Variants in NRXN1 observed in about 807,000 individuals in gnomAD.
The protein encoded by NRXN1 is neurexin 1.
NRXN1 carries 39 observed loss-of-function variants against 150.9 expected under a neutral mutation model. That is an observed-to-expected ratio of 0.26 (90% CI 0.20 to 0.34). The LOEUF (loss-of-function observed/expected upper bound fraction) is 0.34, where lower values mean the gene tolerates loss of function less well. Among genes scored for constraint, NRXN1 ranks in the 10% least tolerant of loss-of-function variants. The pLI is 1.00. For synonymous variants in NRXN1, 924 were observed against 757.0 expected, an observed-to-expected ratio of 1.22 and a Z score of -3.62; for missense variants, 1,815 against 1,949.9, an observed-to-expected ratio of 0.93 and a Z score of 1.30.
chr2:50,398,662 A>C lies in NRXN1; in HGVS notation c.3364+66780T>G, dbSNP rs540008212. The stretch of plus-strand genomic sequence containing the variant: ...GTAGAGAAGTCCAAAAACTGTTTCC[A>C]TTTGCAGGCATGTGGTCATTAGACT... On this transcript the variant is annotated intron_variant, in intron 17 of 22. Coordinates refer to ENST00000401669, the MANE Select transcript of NRXN1 (RefSeq NM_001330078.2). Among the ~76,000 whole-genome samples the C allele has an allele frequency of 3.3e-5, 5 of 152,160 alleles. No homozygotes were observed. In the South Asian group the frequency reaches 1.0e-3, roughly 32 times the overall value.
At position 51,028,342 on chromosome 2, in the gene NRXN1, C is replaced by T. The variant is rs200858755; in HGVS notation, c.-69G>A. ...GTCAAAATGGTCCTGGACACCGTGA[C>T]GAAGAAATAAGGGTCCCGAGAGACA... On this transcript the variant is annotated 5_prime_UTR_variant, in exon 2 of 23. Transcript: ENST00000401669. The T allele has an allele frequency of 5.5e-6, 6 of 1,095,934 alleles. No homozygotes were observed. Among genetic ancestry groups the T allele is most frequent in the Non-Finnish European group, 6.1e-6 (5 of 813,752 alleles). 67.9% of individuals were successfully genotyped at this position (1,095,934 alleles called of 1,614,324 possible).
intron 17 of NRXN1, among the ~76,000 whole-genome samples, chr2:50,330,933 T>A (rs917550534): frequency 6.6e-6 from 1 of 152,140 alleles, no homozygotes; most frequent in Non-Finnish European, 1.5e-5. Flanking sequence ...ATATTAGGGG[T>A]GGGAAGTAGT....
intron 2 of NRXN1, among the ~76,000 whole-genome samples, chr2:50,946,731 A>T (rs1690452214): frequency 6.6e-6 from 1 of 152,204 alleles, no homozygotes; most frequent in Non-Finnish European, 1.5e-5. Flanking sequence ...CTTTAAAAAA[A>T]CGCAAGACTT....
Position 50,949,779 on chromosome 2 carries a change from T to G in NRXN1, c.773-23824A>C, listed in dbSNP as rs111706913. 1.9e-3 allele frequency among the ~76,000 whole-genome samples: 289 copies of G among 152,264 alleles called. 4 individuals are homozygous for G. Among genetic ancestry groups the G allele is most frequent in the African/African-American group, 6.8e-3 (281 of 41,572 alleles). ...AGCTTTTACCGGCACAGCCAGAACT[T>G]GCTATAAACTAATATTTGCTACCTT... On this transcript the variant is annotated intron_variant, in intron 2 of 22. Transcript: ENST00000401669.
intron 5 of NRXN1, among the ~76,000 whole-genome samples, chr2:50,702,136 A>T (rs1469536113): frequency 6.6e-6 from 1 of 152,156 alleles, no homozygotes; most frequent in Non-Finnish European, 1.5e-5. Flanking sequence ...TCAGGTAAGT[A>T]GGATTATTAG....
At chr2:50,071,938 G>A (rs919955114) in intron 19 of NRXN1, among the ~76,000 whole-genome samples, 3 of 152,108 alleles carry the variant, frequency 2.0e-5, no homozygotes, top group Non-Finnish European at 4.4e-5. Flanking sequence ...GCTGCAAATT[G>A]TAATATTCTA....
intron 18 of NRXN1, among the ~76,000 whole-genome samples, chr2:50,176,739 T>C (rs1349984399): frequency 6.6e-6 from 1 of 152,112 alleles, no homozygotes; most frequent in East Asian, 1.9e-4. Context: ...AAAACATCAC[T>C]TGTCCAATAT....
chr2:51,017,875 T>C (rs1326756230), intron 2 of NRXN1, among the ~76,000 whole-genome samples: 1 of 152,110 alleles, frequency 6.6e-6, no homozygotes, highest in South Asian at 2.1e-4. Context: ...AGCTGTATAG[T>C]GGTTTCTTCC....
intron 2 of NRXN1, among the ~76,000 whole-genome samples, chr2:50,996,110 G>A (rs1432550939): frequency 6.6e-6 from 1 of 152,024 alleles, no homozygotes; most frequent in Admixed American, 6.6e-5. Flanking sequence ...AAAATACTGA[G>A]CTCCCATGAC....
intron 2 of NRXN1, among the ~76,000 whole-genome samples, chr2:50,987,536 G>A (rs989485720): frequency 1.3e-5 from 2 of 151,890 alleles, no homozygotes; most frequent in Middle Eastern, 3.2e-3. Flanking sequence ...TATTACATCT[G>A]TGTGTGTCTA....
intron 21 of NRXN1, chr2:49,974,204 C>A (rs1186350647): frequency 2.9e-6 from 2 of 700,288 alleles, no homozygotes; most frequent in Non-Finnish European, 5.3e-6. Flanking sequence ...ACACAGAAAA[C>A]GCTCTGTCAG....
In NRXN1 at chr2:50,347,359, C is replaced by T; in HGVS notation, c.3365-110389G>A. On this transcript the variant is annotated intron_variant, in intron 17 of 22. Transcript: ENST00000401669. This position sits in a 1 kb window ranked among gnomAD's most constrained non-coding sequence, Gnocchi z 4.9. ...AGCTCCTCCTGGAAGGTCCTCACTT[C>T]TACATGACAGACATCCACCGCGAAT... 8.3e-7 allele frequency: 1 copy of T among 1,210,808 alleles called. No individual in the cohort carries two copies. The highest frequency in any genetic ancestry group is 1.1e-6 in the Non-Finnish European group (1 of 951,792). The allele number at this position is 1,210,808 out of a possible 1,614,324, so 75.0% of individuals were successfully genotyped here.
chr2:49,932,375 T>TGC (rs1222861392), intron 22 of NRXN1, among the ~76,000 whole-genome samples: 2 of 152,276 alleles, frequency 1.3e-5, no homozygotes, highest in Non-Finnish European at 2.9e-5. Context: ...GAGCCATAAC[T>TGC]GCAGCACTAC....
At chr2:50,850,036 C>T (rs1446004875) in intron 5 of NRXN1, among the ~76,000 whole-genome samples, 3 of 151,830 alleles carry the variant, frequency 2.0e-5, no homozygotes, top group Non-Finnish European at 4.4e-5. Context: ...TGAGACCTCA[C>T]TTCTACAAAA....
chr2:51,015,581 G>A (rs1668537162), intron 2 of NRXN1, among the ~76,000 whole-genome samples: 1 of 151,832 alleles, frequency 6.6e-6, no homozygotes, highest in Non-Finnish European at 1.5e-5. Flanking sequence ...AACTCCTGAA[G>A]CTCTACCTAT....
chr2:50,381,533 AC>A (rs1337173727), intron 17 of NRXN1, among the ~76,000 whole-genome samples: 2 of 134,808 alleles, frequency 1.5e-5, no homozygotes, highest in Non-Finnish European at 3.1e-5. Flanking sequence ...ACACACACAC[AC>A]ACACACACAC....
chr2:49,948,854 G>A (rs1029318669), intron 21 of NRXN1, among the ~76,000 whole-genome samples: 2 of 151,856 alleles, frequency 1.3e-5, no homozygotes, highest in African/African-American at 4.8e-5. Context: ...GCGTGATCAA[G>A]CAGAAGCATT....
chr2:50,431,516 C>G (rs764498447), intron 17 of NRXN1, among the ~76,000 whole-genome samples: 1 of 152,108 alleles, frequency 6.6e-6, no homozygotes, highest in Non-Finnish European at 1.5e-5. Context: ...GGCACAAAGG[C>G]TAAGAACAGA....
At chr2:50,892,379 A>G (rs1476920020) in intron 5 of NRXN1, among the ~76,000 whole-genome samples, 2 of 152,146 alleles carry the variant, frequency 1.3e-5, no homozygotes, top group Non-Finnish European at 2.9e-5. Context: ...AGAGATCAAT[A>G]TCTCCTAAGG....
Sources: allele counts gnomAD v4.1 joint callset (sites outside exome capture counted in the v4.1 genomes callset), GRCh38; gene constraint gnomAD v4.1.1; non-coding constraint Gnocchi (gnomAD v3.1); transcripts MANE v1.5; gene names NCBI Gene and HGNC (gene_info 2026-07-23, HGNC 2026-07-21).